TGFBR3: variants seen among roughly 807,000 people sequenced by gnomAD.
TGFBR3 encodes transforming growth factor beta receptor type 3.
A neutral mutation model predicts 87.9 loss-of-function variants in TGFBR3; 46 were observed. The ratio of observed to expected loss-of-function variants is 0.52; its 90% CI spans 0.41 to 0.67. TGFBR3 has a LOEUF of 0.67. Ranked by LOEUF, TGFBR3 falls within the 30% of genes least tolerant of loss-of-function variation. The pLI, the probability that TGFBR3 is intolerant of heterozygous loss-of-function variation, is 0.00. For synonymous variants in TGFBR3, 381 were observed against 391.6 expected (o/e 0.97, Z 0.32); for missense variants, 866 against 1,041.9 (o/e 0.83, Z 2.32).
chr1:91,844,674 A>C (rs917281614), intron 2 of TGFBR3, among the ~76,000 whole-genome samples: 9 of 152,246 alleles, frequency 5.9e-5, no homozygotes, highest in African/African-American at 1.9e-4. Flanking sequence ...AAAATCATTT[A>C]AAGTCTTCAA....
rs762651450 is a variant in TGFBR3 at position 91,682,109 on chromosome 1, G to A, written c.*1630C>T. 1.8e-5 allele frequency: 8 copies of A among 453,608 alleles called. No homozygotes were observed. Among genetic ancestry groups the A allele is most frequent in the South Asian group, 7.8e-5 (5 of 64,466 alleles). 28.1% of individuals were successfully genotyped at this position (453,608 alleles called of 1,614,324 possible). A position where few individuals can be genotyped will look rare whatever the true frequency, so the allele number is the denominator to read the frequency against. On this transcript the variant is annotated 3_prime_UTR_variant, in exon 17 of 17. Coordinates refer to ENST00000212355, the MANE Select transcript of TGFBR3 (RefSeq NM_003243.5). ...CAGGTAAGTCATATTATTACTCAAC[G>A]ATTTGGTAAAAATGATTGTCAATTT...
In TGFBR3 at chr1:91,681,385, T is replaced by C. The variant is rs887080850; in HGVS notation, c.*2354A>G. On this transcript the variant is annotated 3_prime_UTR_variant, in exon 17 of 17. Coordinates refer to ENST00000212355, the MANE Select transcript of TGFBR3 (RefSeq NM_003243.5). Reference sequence around the variant, plus strand: ...CAATGAGACCCAAACAAATAAAAGGTGATTTTTTTCCTCTCTCTCTCTTTT... The same window carrying C: ...CAATGAGACCCAAACAAATAAAAGGCGATTTTTTTCCTCTCTCTCTCTTTT... 27 of 407,308 alleles carry C rather than the reference T, an allele frequency of 6.6e-5. No individual in the cohort carries two copies. Among genetic ancestry groups the C allele is most frequent in the African/African-American group, 5.0e-4 (24 of 48,118 alleles). The allele number at this position is 407,308 out of a possible 1,614,324, so 25.2% of individuals were successfully genotyped here.
chr1:91,786,847 C>T (rs1292420390), intron 3 of TGFBR3, among the ~76,000 whole-genome samples: 1 of 152,068 alleles, frequency 6.6e-6, no homozygotes, highest in African/African-American at 2.4e-5. Context: ...GTCAGGGAAG[C>T]CAGATTGAAA....
chr1:91,887,970 G>A (rs1247929431), upstream of TGFBR3, among the ~76,000 whole-genome samples: 1 of 152,142 alleles, frequency 6.6e-6, no homozygotes, highest in African/African-American at 2.4e-5. Context: ...TATTTGATAT[G>A]GTTTGGCTGT....
intron 2 of TGFBR3, among the ~76,000 whole-genome samples, chr1:91,837,167 A>T (rs1031383471): frequency 1.3e-5 from 2 of 152,100 alleles, no homozygotes; most frequent in African/African-American, 4.8e-5. Context: ...AATTTTTTTT[A>T]AAACCAAAGA....
rs1406865600 is a variant in TGFBR3, at chr1:91,758,764, G to A, written c.247-14C>T. On this transcript the variant is annotated splice_polypyrimidine_tract_variant and intron_variant, in intron 3 of 16. Coordinates refer to ENST00000212355, the MANE Select transcript of TGFBR3 (RefSeq NM_003243.5). The stretch of plus-strand genomic sequence containing the variant: ...GTGAAGTGTGACCTAGGAAGCAACA[G>A]AAAGAGGGCAGAAATCTTAGCCCTG... The A allele has an allele frequency of 2.8e-5, 45 of 1,613,684 alleles. No homozygotes were observed. Among genetic ancestry groups the A allele is most frequent in the Middle Eastern group, 1.6e-4 (1 of 6,072 alleles).
At chr1:91,810,049 A>T (rs1329534264) in intron 2 of TGFBR3, among the ~76,000 whole-genome samples, 1 of 152,138 alleles carries the variant, frequency 6.6e-6, no homozygotes, top group Non-Finnish European at 1.5e-5. Context: ...GTGGTTCAGA[A>T]CCACAGTTTT....
chr1:91,892,077 A>G (rs1355850943), intron 2 of TGFBR3, among the ~76,000 whole-genome samples: 1 of 152,242 alleles, frequency 6.6e-6, no homozygotes, highest in African/African-American at 2.4e-5. Context: ...ATTTTCTCAC[A>G]GTAACCGCAA....
chr1:91,743,547 G>A (rs1673229263), intron 4 of TGFBR3, among the ~76,000 whole-genome samples: 1 of 152,138 alleles, frequency 6.6e-6, no homozygotes, highest in African/African-American at 2.4e-5. Context: ...TACAGTACTT[G>A]TCACCTTCTA....
At chr1:91,775,904 G>GT (rs1468383196) in intron 3 of TGFBR3, among the ~76,000 whole-genome samples, 1 of 152,168 alleles carries the variant, frequency 6.6e-6, no homozygotes, top group Non-Finnish European at 1.5e-5. Flanking sequence ...TCTTTTGTCT[G>GT]TTTTGCTAAA....
chr1:91,689,084 A>G (rs926119366), intron 16 of TGFBR3, among the ~76,000 whole-genome samples: 4 of 152,172 alleles, frequency 2.6e-5, no homozygotes, highest in African/African-American at 7.2e-5. Context: ...CCTGGTGTCT[A>G]TTGGTGTGTC....
At chr1:91,877,990 G>A (rs1205541723) in intron 1 of TGFBR3, among the ~76,000 whole-genome samples, 1 of 152,112 alleles carries the variant, frequency 6.6e-6, no homozygotes, top group African/African-American at 2.4e-5. Context: ...ACACACATAG[G>A]GAAGACCTTA....
chr1:91,695,462 A>C (rs1671402279), intron 16 of TGFBR3: 2 of 564,798 alleles, frequency 3.5e-6, no homozygotes, highest in Non-Finnish European at 6.4e-6. Flanking sequence ...CACAATCGCA[A>C]TTAGCACAGT....
At chr1:91,709,357 C>T (rs6662887) in intron 13 of TGFBR3, among the ~76,000 whole-genome samples, 44,763 of 152,080 alleles carry the variant, frequency 0.29, 6,915 homozygotes, top group Non-Finnish European at 0.33. Flanking sequence ...TCATGTAACA[C>T]AAAGCTTATT....
chr1:91,765,552 C>A (rs1300934663), intron 3 of TGFBR3, among the ~76,000 whole-genome samples: 1 of 152,070 alleles, frequency 6.6e-6, no homozygotes, highest in Non-Finnish European at 1.5e-5. Context: ...GACAAGCCAC[C>A]CTGATCATCA....
chr1:91,755,871 G>A (rs1223589246), intron 4 of TGFBR3, among the ~76,000 whole-genome samples: 1 of 151,908 alleles, frequency 6.6e-6, no homozygotes, highest in Non-Finnish European at 1.5e-5. Flanking sequence ...TTTGATCTGG[G>A]GCCAGCCAAA....
chr1:91,788,470 A>G (rs1675057718), intron 3 of TGFBR3, among the ~76,000 whole-genome samples: 1 of 152,262 alleles, frequency 6.6e-6, no homozygotes, highest in Admixed American at 6.5e-5. Flanking sequence ...ATCGTGGAAG[A>G]AAGAAAAGTG....
intron 2 of TGFBR3, among the ~76,000 whole-genome samples, chr1:91,847,621 A>G (rs1263763094): frequency 4.6e-5 from 7 of 150,830 alleles, no homozygotes; most frequent in African/African-American, 1.7e-4. Context: ...AAAAAAAAAA[A>G]AGAATAAAGT....
At chr1:91,778,130 CA>C (rs1287572373) in intron 3 of TGFBR3, among the ~76,000 whole-genome samples, 2 of 150,794 alleles carry the variant, frequency 1.3e-5, no homozygotes, top group Non-Finnish European at 1.5e-5. Context: ...GATCTGCCCC[CA>C]GATCTGTAAA....
Sources: allele counts gnomAD v4.1 joint callset (sites outside exome capture counted in the v4.1 genomes callset), GRCh38; gene constraint gnomAD v4.1.1; transcripts MANE v1.5; gene names NCBI Gene and HGNC (gene_info 2026-07-23, HGNC 2026-07-21).